The following ITGA9 variants were observed in gnomAD, a reference collection of about 807,000 sequenced individuals.
ITGA9 encodes integrin alpha-9.
A neutral mutation model predicts 127.8 loss-of-function variants in ITGA9; 56 were observed. The observed-to-expected ratio is 0.44, with a 90% confidence interval of 0.35 to 0.55. ITGA9 has a LOEUF of 0.55. ITGA9 is among the 20% of genes least tolerant of loss of function. ITGA9 has a pLI of 0.00. For synonymous variants in ITGA9, 508 were observed against 514.5 expected (o/e 0.99, Z 0.17); for missense variants, 1,196 against 1,347.1 (o/e 0.89, Z 1.76).
chr3:37,694,435 G>A (rs1266026223), intron 18 of ITGA9, among the ~76,000 whole-genome samples: 4 of 152,348 alleles, frequency 2.6e-5, no homozygotes, highest in African/African-American at 9.6e-5. Context: ...TGCGGCAGTC[G>A]GCAGTGAGGA....
chr3:37,633,099 A>G (rs898830520), intron 16 of ITGA9, among the ~76,000 whole-genome samples: 1 of 152,246 alleles, frequency 6.6e-6, no homozygotes, highest in African/African-American at 2.4e-5. Flanking sequence ...CAGCAAGTCT[A>G]AAAAGCAGCC....
At chr3:37,714,298 C>G (rs1019813723) in intron 18 of ITGA9, among the ~76,000 whole-genome samples, 27 of 152,232 alleles carry the variant, frequency 1.8e-4, no homozygotes, top group African/African-American at 6.3e-4. Flanking sequence ...TCCTCCTCCT[C>G]TGGGTTCCTT....
At chr3:37,786,410 T>A (rs1422885928) in intron 26 of ITGA9, among the ~76,000 whole-genome samples, 1 of 152,064 alleles carries the variant, frequency 6.6e-6, no homozygotes, top group Admixed American at 6.6e-5. Context: ...AAGACCAACA[T>A]GGCGAAACGC....
intron 4 of ITGA9, among the ~76,000 whole-genome samples, chr3:37,482,223 C>T (rs965922823): frequency 3.3e-5 from 5 of 152,224 alleles, no homozygotes; most frequent in African/African-American, 1.2e-4. Context: ...CCCATGTGGT[C>T]CTGCAGCCCA....
At chr3:37,513,957 C>A in intron 9 of ITGA9, 57 bp downstream of exon 9, 2 of 1,606,128 alleles carry the variant, frequency 1.2e-6, no homozygotes, top group Non-Finnish European at 1.7e-6. Flanking sequence ...ATTTGTCCAG[C>A]CAGCAGTGGC....
At chr3:37,502,941 C>G (rs1698802631) in intron 5 of ITGA9, among the ~76,000 whole-genome samples, 1 of 152,168 alleles carries the variant, frequency 6.6e-6, no homozygotes. Flanking sequence ...CCTGGCCTGT[C>G]GTGAATTCTG....
intron 26 of ITGA9, among the ~76,000 whole-genome samples, chr3:37,795,744 C>T (rs1226479476): frequency 3.3e-5 from 5 of 152,208 alleles, no homozygotes; most frequent in African/African-American, 1.2e-4. Flanking sequence ...CCCCCAAAAC[C>T]AGCAGACTTC....
chr3:37,688,398 T>A (rs1054998932), intron 18 of ITGA9, among the ~76,000 whole-genome samples: 1 of 152,184 alleles, frequency 6.6e-6, no homozygotes, highest in Non-Finnish European at 1.5e-5. Context: ...TTTACAATAG[T>A]AAGCAAATGT....
chr3:37,576,475 A>G (rs767414312), intron 15 of ITGA9, among the ~76,000 whole-genome samples: 7 of 152,164 alleles, frequency 4.6e-5, no homozygotes, highest in Non-Finnish European at 8.8e-5. Context: ...TGGTCAGGAA[A>G]CATTCCCCCT....
intron 3 of ITGA9, among the ~76,000 whole-genome samples, chr3:37,480,205 A>G (rs114758583): frequency 1.8e-4 from 27 of 151,938 alleles, no homozygotes; most frequent in African/African-American, 6.0e-4. Flanking sequence ...GGCCACTGTC[A>G]TGTCCAAGCA....
At chr3:37,709,642 G>A (rs1345734948) in intron 18 of ITGA9, among the ~76,000 whole-genome samples, 1 of 152,346 alleles carries the variant, frequency 6.6e-6, no homozygotes, top group African/African-American at 2.4e-5. Flanking sequence ...CTCACCATGG[G>A]TGGACTGAGC....
At chr3:37,793,599 A>G (rs1321563395) in intron 26 of ITGA9, among the ~76,000 whole-genome samples, 1 of 152,060 alleles carries the variant, frequency 6.6e-6, no homozygotes, top group East Asian at 1.9e-4. Flanking sequence ...ATGAAGTCAG[A>G]TGGTGTCTTG....
intron 19 of ITGA9, among the ~76,000 whole-genome samples, chr3:37,734,374 AT>A (rs1696332829): frequency 6.6e-6 from 1 of 152,368 alleles, no homozygotes; most frequent in South Asian, 2.1e-4. Context: ...TGAGTAACAG[AT>A]AATAGGCTTA....
intron 4 of ITGA9, among the ~76,000 whole-genome samples, chr3:37,489,691 CTTTTTTT>C (rs10579497): frequency 1.5e-5 from 2 of 132,274 alleles, no homozygotes; most frequent in Admixed American, 1.5e-4. Context: ...TATAATTGCC[CTTTTTTT>C]TTTTTTTTTT....
At chr3:37,527,314 A>G (rs191485077) in intron 13 of ITGA9, among the ~76,000 whole-genome samples, 1 of 152,286 alleles carries the variant, frequency 6.6e-6, no homozygotes, top group East Asian at 1.9e-4. Flanking sequence ...CATAAGTTAA[A>G]CCATTATAAG....
Position 37,512,189 on chromosome 3 carries a change from C to A in ITGA9, c.898-1574C>A, listed in dbSNP as rs1282519214. Reference sequence around the variant, plus strand: ...CTTTTCTTTTCTTTTCTTTTCTTTTCTTTTCTTTTCTTTTCTTTTCTTTCT... The same window carrying A: ...CTTTTCTTTTCTTTTCTTTTCTTTTATTTTCTTTTCTTTTCTTTTCTTTCT... On this transcript the variant is annotated intron_variant, in intron 8 of 27. Coordinates refer to ENST00000264741, the MANE Select transcript of ITGA9 (RefSeq NM_002207.3). Among the ~76,000 whole-genome samples, 2 of 28,724 alleles carry A rather than the reference C, an allele frequency of 7.0e-5. 1 individual carries two copies. The highest frequency in any genetic ancestry group is 1.2e-3 in the Admixed American group (2 of 1,642). The allele number at this position is 28,724 out of a possible 152,430, so 18.8% of individuals were successfully genotyped here.
At chr3:37,700,601 C>G (rs1284217236) in intron 18 of ITGA9, among the ~76,000 whole-genome samples, 1 of 151,848 alleles carries the variant, frequency 6.6e-6, no homozygotes, top group Admixed American at 6.6e-5. Flanking sequence ...CCACCCACCT[C>G]AGCCTCCCAA....
intron 15 of ITGA9, among the ~76,000 whole-genome samples, chr3:37,608,909 A>C (rs1366402052): frequency 6.6e-6 from 1 of 152,068 alleles, no homozygotes; most frequent in Admixed American, 6.5e-5. Context: ...GGACCCCAGA[A>C]CTCCAGATTC....
At chr3:37,715,317 T>G (rs1701122702) in intron 18 of ITGA9, among the ~76,000 whole-genome samples, 1 of 152,226 alleles carries the variant, frequency 6.6e-6, no homozygotes, top group Non-Finnish European at 1.5e-5. Flanking sequence ...TAGGAGTTAC[T>G]ATCTGTATTT....
Sources: allele counts gnomAD v4.1 joint callset (sites outside exome capture counted in the v4.1 genomes callset), GRCh38; gene constraint gnomAD v4.1.1; transcripts MANE v1.5; gene names NCBI Gene and HGNC (gene_info 2026-07-23, HGNC 2026-07-21).